BICD1: variants seen among roughly 807,000 people sequenced by gnomAD.
BICD1 encodes protein bicaudal D homolog 1.
A neutral mutation model predicts 92.5 loss-of-function variants in BICD1; 35 were observed. The ratio of observed to expected loss-of-function variants is 0.38; its 90% CI spans 0.29 to 0.50. The LOEUF is 0.50. BICD1 is among the 20% of genes least tolerant of loss of function. The pLI is 0.93. For synonymous variants in BICD1, 429 were observed against 465.1 expected, an observed-to-expected ratio of 0.92 and a Z score of 1.00; for missense variants, 950 against 1,189.8, an observed-to-expected ratio of 0.80 and a Z score of 2.97.
intron 5 of BICD1, among the ~76,000 whole-genome samples, chr12:32,332,303 T>C (rs1937912308): frequency 6.6e-6 from 1 of 152,086 alleles, no homozygotes; most frequent in African/African-American, 2.4e-5. Context: ...AAGAAATAAT[T>C]GGTACAACAA....
intron 1 of BICD1, among the ~76,000 whole-genome samples, chr12:32,204,973 T>C (rs1023076816): frequency 1.3e-4 from 20 of 152,274 alleles, no homozygotes; most frequent in Admixed American, 1.0e-3. Context: ...TGAAAATCAG[T>C]ATGGAAGAGG....
intron 2 of BICD1, among the ~76,000 whole-genome samples, chr12:32,243,105 CTT>C (rs1002802716): frequency 1.4e-5 from 2 of 144,118 alleles, no homozygotes. Flanking sequence ...TTAGGATTTT[CTT>C]TTTTTTTTTG....
intron 2 of BICD1, among the ~76,000 whole-genome samples, chr12:32,266,608 G>C (rs150494698): frequency 6.2e-4 from 94 of 152,304 alleles, no homozygotes; most frequent in Admixed American, 1.6e-3. Context: ...ATGAGCCCCA[G>C]CACTTTGGGA....
chr12:32,298,341 C>T (rs1239385), intron 3 of BICD1, among the ~76,000 whole-genome samples: 53,338 of 151,432 alleles, frequency 0.35, 10,050 homozygotes, highest in Non-Finnish European at 0.44. Flanking sequence ...GTGGGCGGAT[C>T]GCGAGGTCAG....
chr12:32,145,573 A>G (rs1418743650), intron 1 of BICD1, among the ~76,000 whole-genome samples: 5 of 152,244 alleles, frequency 3.3e-5, no homozygotes, highest in Non-Finnish European at 7.3e-5. Flanking sequence ...ATACATGACA[A>G]TATGCAGAAT....
chr12:32,327,197 C>T (rs567620321), intron 4 of BICD1, among the ~76,000 whole-genome samples: 31 of 152,298 alleles, frequency 2.0e-4, no homozygotes, highest in African/African-American at 7.5e-4. Flanking sequence ...GTTCTAATAA[C>T]ATTGAAGTTT....
intron 8 of BICD1, among the ~76,000 whole-genome samples, chr12:32,355,823 A>G (rs1422573830): frequency 6.6e-6 from 1 of 152,022 alleles, no homozygotes; most frequent in Admixed American, 6.6e-5. Flanking sequence ...AAAAAAAGAA[A>G]TGCCGAAGGA....
rs1939577232 is a variant in BICD1, at chr12:32,367,702, C to G, written c.2797C>G (p.Gln933Glu). 6.2e-7 allele frequency: 1 copy of G among 1,614,180 alleles called. No homozygotes were observed. The highest frequency in any genetic ancestry group is 8.5e-7 in the Non-Finnish European group (1 of 1,180,036). Reference sequence around the variant, plus strand: ...GCAGCCTGCTGCCTCCGTACCGCCACAGTGCTCACAACTAGCCGGGAGGCA... The same window carrying G: ...GCAGCCTGCTGCCTCCGTACCGCCAGAGTGCTCACAACTAGCCGGGAGGCA... ...CQQPAASVPP[Q>E]CSQLAGRQDC... Residue 933 changes from glutamine to glutamate, a missense_variant, in exon 9 of 10, where the codon CAG becomes GAG. Around this residue, in one of 5 missense-constraint regions of BICD1, gnomAD observed 179 missense variants for 186.7 expected, o/e 0.96. Coordinates refer to ENST00000652176, the MANE Select transcript of BICD1 (RefSeq NM_001714.4).
At chr12:32,268,610 A>G (rs1173795811) in intron 2 of BICD1, among the ~76,000 whole-genome samples, 1 of 152,156 alleles carries the variant, frequency 6.6e-6, no homozygotes, top group Non-Finnish European at 1.5e-5. Flanking sequence ...AGCTTAGCCA[A>G]CATGGCGAAA....
chr12:32,309,821 G>A (rs1948327345), intron 4 of BICD1, among the ~76,000 whole-genome samples: 1 of 152,028 alleles, frequency 6.6e-6, no homozygotes, highest in Admixed American at 6.6e-5. Flanking sequence ...GGGTACATGT[G>A]CACAATGTGC....
At chr12:32,318,577 G>T (rs1443727367) in intron 4 of BICD1, among the ~76,000 whole-genome samples, 2 of 152,152 alleles carry the variant, frequency 1.3e-5, no homozygotes, top group Non-Finnish European at 2.9e-5. Context: ...TATTCCTGCC[G>T]GGTGCGGTGG....
chr12:32,199,081 T>C (rs1944823504), intron 1 of BICD1, among the ~76,000 whole-genome samples: 1 of 152,124 alleles, frequency 6.6e-6, no homozygotes, highest in Non-Finnish European at 1.5e-5. Context: ...GGGGGATGAG[T>C]TGCAGAGAGG....
intron 2 of BICD1, among the ~76,000 whole-genome samples, chr12:32,256,289 GTCC>G (rs1946718720): frequency 6.6e-6 from 1 of 152,140 alleles, no homozygotes; most frequent in Non-Finnish European, 1.5e-5. Context: ...GCTTCAAGCA[GTCC>G]TCCTGCTTTG....
At chr12:32,234,894 A>T (rs1395922667) in intron 2 of BICD1, among the ~76,000 whole-genome samples, 1 of 152,068 alleles carries the variant, frequency 6.6e-6, no homozygotes, top group Admixed American at 6.6e-5. Flanking sequence ...CATGTTGCCC[A>T]GGCTGGTCTC....
intron 8 of BICD1, among the ~76,000 whole-genome samples, chr12:32,357,956 G>A (rs1354402639): frequency 6.6e-6 from 1 of 152,108 alleles, no homozygotes; most frequent in Admixed American, 6.5e-5. Context: ...CACTGAAAGG[G>A]CGTGGGTGGA....
chr12:32,374,473 C>T (rs1939853645), intron 9 of BICD1, among the ~76,000 whole-genome samples: 1 of 151,686 alleles, frequency 6.6e-6, no homozygotes, highest in African/African-American at 2.4e-5. Context: ...GGCCTATAAC[C>T]TGCTGTTTAC....
intron 3 of BICD1, among the ~76,000 whole-genome samples, chr12:32,301,402 G>C (rs1188405356): frequency 6.6e-6 from 1 of 152,106 alleles, no homozygotes; most frequent in Admixed American, 6.6e-5. Flanking sequence ...AAAGGTTGGA[G>C]AGAGTCAGTC....
intron 1 of BICD1, among the ~76,000 whole-genome samples, chr12:32,194,631 C>T (rs1312350241): frequency 6.6e-6 from 1 of 152,126 alleles, no homozygotes; most frequent in East Asian, 1.9e-4. Context: ...CCTGTAATCC[C>T]AACATTTTGG....
At chr12:32,137,287 C>T (rs1388304376) in intron 1 of BICD1, among the ~76,000 whole-genome samples, 3 of 152,070 alleles carry the variant, frequency 2.0e-5, no homozygotes, top group South Asian at 2.1e-4. Context: ...CAGGGTTTTG[C>T]CGTGTTTGCC....
Sources: gnomAD v4.1 joint callset for allele counts (sites outside exome capture counted in the v4.1 genomes callset) on GRCh38, gnomAD v4.1.1 for gene constraint, gnomAD v4.1.1 regional missense constraint, MANE v1.5 for transcripts, NCBI Gene and HGNC (gene_info 2026-07-23, HGNC 2026-07-21) for gene names.